Variants in STXBP5L observed in about 807,000 individuals in gnomAD.
STXBP5L encodes syntaxin binding protein 5L.
Under a neutral mutation model 144.5 loss-of-function variants are expected in STXBP5L, and 65 were observed. The ratio of observed to expected loss-of-function variants is 0.45; its 90% CI spans 0.37 to 0.55. The LOEUF (loss-of-function observed/expected upper bound fraction) is 0.55, where lower values mean the gene tolerates loss of function less well. Ranked by LOEUF, STXBP5L falls within the 20% of genes least tolerant of loss-of-function variation. The pLI, the probability that STXBP5L is intolerant of heterozygous loss-of-function variation, is 0.00. For missense variants in STXBP5L, 1,298 were observed against 1,405.5 expected, an observed-to-expected ratio of 0.92 and a Z score of 1.22; for synonymous variants, 505 against 469.6, an observed-to-expected ratio of 1.08 and a Z score of -0.97.
chr3:121,337,486 A>T (rs1367365334), intron 20 of STXBP5L, among the ~76,000 whole-genome samples: 4 of 151,736 alleles, frequency 2.6e-5, no homozygotes, highest in Admixed American at 2.6e-4. Flanking sequence ...AAAAGAATCA[A>T]TCCCCAGCAA....
At chr3:121,312,715 G>T (rs1206735070) in intron 19 of STXBP5L, among the ~76,000 whole-genome samples, 1 of 151,296 alleles carries the variant, frequency 6.6e-6, no homozygotes, top group Admixed American at 6.6e-5. Context: ...ATCTTGCACC[G>T]CCCTTAATCC....
At chr3:121,332,464 T>C (rs1299519134) in intron 20 of STXBP5L, among the ~76,000 whole-genome samples, 1 of 145,836 alleles carries the variant, frequency 6.9e-6, no homozygotes, top group Non-Finnish European at 1.5e-5. Flanking sequence ...TAAGGAATTA[T>C]GAAATGCAGC....
chr3:121,300,683 G>A (rs2051856474), intron 19 of STXBP5L, among the ~76,000 whole-genome samples: 1 of 151,770 alleles, frequency 6.6e-6, no homozygotes, highest in Non-Finnish European at 1.5e-5. Context: ...GGAATACTAA[G>A]TATATTTTAT....
chr3:121,311,463 T>A (rs575454045), intron 19 of STXBP5L, among the ~76,000 whole-genome samples: 3 of 152,370 alleles, frequency 2.0e-5, no homozygotes, highest in Admixed American at 6.5e-5. Flanking sequence ...ATCTTTATAA[T>A]GATTTGATAA....
intron 5 of STXBP5L, among the ~76,000 whole-genome samples, chr3:121,063,848 G>A (rs558105789): frequency 3.0e-4 from 46 of 152,088 alleles, no homozygotes; most frequent in African/African-American, 4.8e-4. Flanking sequence ...CCCCCACCAA[G>A]ATAGCATGTT....
chr3:121,090,420 A>G (rs2042720811), intron 5 of STXBP5L, among the ~76,000 whole-genome samples: 1 of 152,112 alleles, frequency 6.6e-6, no homozygotes, highest in Non-Finnish European at 1.5e-5. Context: ...TGCTCCTCAA[A>G]TGGATTCTAC....
At chr3:121,127,276 A>C (rs1280550987) in intron 7 of STXBP5L, among the ~76,000 whole-genome samples, 1 of 152,106 alleles carries the variant, frequency 6.6e-6, no homozygotes, top group African/African-American at 2.4e-5. Flanking sequence ...ATAAGGAAAG[A>C]GTATGACCTT....
intron 5 of STXBP5L, among the ~76,000 whole-genome samples, chr3:121,070,438 G>T (rs1239851343): frequency 6.6e-6 from 1 of 152,158 alleles, no homozygotes; most frequent in East Asian, 1.9e-4. Flanking sequence ...TTTAACTTGA[G>T]TGTAAGGGGG....
At chr3:121,132,337 C>G (rs573485633) in intron 7 of STXBP5L, among the ~76,000 whole-genome samples, 1 of 152,316 alleles carries the variant, frequency 6.6e-6, no homozygotes, top group Middle Eastern at 3.4e-3. Context: ...TCCTGAAGCT[C>G]TGATGGGTCT....
chr3:121,355,113 C>T (rs762424449), intron 20 of STXBP5L, among the ~76,000 whole-genome samples: 3 of 152,182 alleles, frequency 2.0e-5, no homozygotes, highest in African/African-American at 4.8e-5. Flanking sequence ...TCTGGCTGCC[C>T]TTAACATTTT....
chr3:121,306,453 A>G (rs2043340338), intron 19 of STXBP5L, among the ~76,000 whole-genome samples: 1 of 152,164 alleles, frequency 6.6e-6, no homozygotes, highest in South Asian at 2.1e-4. Context: ...CATAGGGCAG[A>G]AGTTTTATGC....
At chr3:121,277,837 G>A (rs2050932538) in intron 18 of STXBP5L, among the ~76,000 whole-genome samples, 1 of 152,038 alleles carries the variant, frequency 6.6e-6, no homozygotes, top group East Asian at 1.9e-4. Flanking sequence ...GCTGTTCCAT[G>A]TATTAGGAGA....
chr3:121,347,816 A>G (rs1458930963), intron 20 of STXBP5L, among the ~76,000 whole-genome samples: 4 of 152,152 alleles, frequency 2.6e-5, no homozygotes, highest in Non-Finnish European at 5.9e-5. Flanking sequence ...TTGTATCCTG[A>G]GACTTTGCTG....
At chr3:121,094,563 A>C (rs1282559167) in intron 5 of STXBP5L, among the ~76,000 whole-genome samples, 1 of 151,738 alleles carries the variant, frequency 6.6e-6, no homozygotes, top group Admixed American at 6.6e-5. Flanking sequence ...TGTTGGTTTA[A>C]AGTCTGTTTT....
At chr3:121,313,116 G>A (rs1254373820) in intron 19 of STXBP5L, among the ~76,000 whole-genome samples, 1 of 143,926 alleles carries the variant, frequency 6.9e-6, no homozygotes, top group Non-Finnish European at 1.5e-5. Context: ...CCTCCCAGAC[G>A]GGGCGGCTGG....
intron 3 of STXBP5L, among the ~76,000 whole-genome samples, chr3:120,984,649 T>TC (rs1942124786): frequency 6.9e-6 from 1 of 145,976 alleles, no homozygotes; most frequent in African/African-American, 2.5e-5. Context: ...TTTTTTTTTT[T>TC]TTTTTGCCTA....
intron 20 of STXBP5L, among the ~76,000 whole-genome samples, chr3:121,374,503 A>G (rs2046126496): frequency 6.6e-6 from 1 of 152,238 alleles, no homozygotes; most frequent in African/African-American, 2.4e-5. Flanking sequence ...AATTTAAAAT[A>G]ACGATCTTAA....
intron 20 of STXBP5L, among the ~76,000 whole-genome samples, chr3:121,372,442 C>A (rs559978933): frequency 4.7e-4 from 72 of 152,288 alleles, no homozygotes; most frequent in African/African-American, 1.7e-3. Flanking sequence ...TTCCTTAATG[C>A]TTCTCTCTTC....
intron 3 of STXBP5L, among the ~76,000 whole-genome samples, chr3:120,978,995 G>T (rs1487251796): frequency 6.6e-6 from 1 of 152,156 alleles, no homozygotes; most frequent in Non-Finnish European, 1.5e-5. Flanking sequence ...GGGGTCAGGG[G>T]TCAGGGACCC....
Sources: gnomAD v4.1 joint callset for allele counts (sites outside exome capture counted in the v4.1 genomes callset) on GRCh38, gnomAD v4.1.1 for gene constraint, MANE v1.5 for transcripts, NCBI Gene and HGNC (gene_info 2026-07-23, HGNC 2026-07-21) for gene names.